SLC38A6: variants seen among roughly 807,000 people sequenced by gnomAD.
The protein encoded by SLC38A6 is solute carrier family 38 member 6.
Under a neutral mutation model 65.0 loss-of-function variants are expected in SLC38A6, and 73 were observed. That is an observed-to-expected ratio of 1.12 (90% CI 0.93 to 1.37). The LOEUF (loss-of-function observed/expected upper bound fraction) is 1.37. Among genes scored for constraint, SLC38A6 ranks in the 40% most tolerant of loss-of-function variants. SLC38A6 has a pLI of 0.00. For synonymous variants in SLC38A6, 183 were observed against 178.8 expected, an observed-to-expected ratio of 1.02 and a Z score of -0.19; for missense variants, 561 against 531.1, an observed-to-expected ratio of 1.06 and a Z score of -0.55.
intron 15 of SLC38A6, among the ~76,000 whole-genome samples, chr14:61,068,172 C>T (rs1034547217): frequency 1.3e-5 from 2 of 152,182 alleles, no homozygotes; most frequent in East Asian, 1.9e-4. Flanking sequence ...TCCACAATCA[C>T]TTCAAACTTA....
chr14:61,070,050 CA>C (rs998801950), intron 15 of SLC38A6, among the ~76,000 whole-genome samples: 1 of 152,120 alleles, frequency 6.6e-6, no homozygotes, highest in South Asian at 2.1e-4. Context: ...TGTGCTAAAA[CA>C]AAAAATAAAC....
At chr14:61,016,275 A>C (rs190587331) in intron 4 of SLC38A6, among the ~76,000 whole-genome samples, 1 of 152,350 alleles carries the variant, frequency 6.6e-6, no homozygotes, top group Admixed American at 6.5e-5. Flanking sequence ...TTATGTACTC[A>C]TATGAGTAAA....
intron 3 of SLC38A6, among the ~76,000 whole-genome samples, chr14:61,000,272 A>G (rs1339624216): frequency 6.6e-6 from 1 of 152,238 alleles, no homozygotes; most frequent in African/African-American, 2.4e-5. Flanking sequence ...TAAAGCTACA[A>G]AGAGAGTACA....
At chr14:60,998,081 T>G (rs1376153947) in intron 3 of SLC38A6, among the ~76,000 whole-genome samples, 1 of 151,098 alleles carries the variant, frequency 6.6e-6, no homozygotes, top group Non-Finnish European at 1.5e-5. Flanking sequence ...TATGATAAAT[T>G]TAACAGTTTA....
chr14:61,003,227 GAA>G (rs1399486920), intron 3 of SLC38A6, among the ~76,000 whole-genome samples: 1 of 151,850 alleles, frequency 6.6e-6, no homozygotes, highest in Non-Finnish European at 1.5e-5. Flanking sequence ...GCCAAAAAAA[GAA>G]AGAAAAAGAA....
chr14:60,987,923 T>C (rs1165185517), intron 3 of SLC38A6, among the ~76,000 whole-genome samples: 2 of 152,196 alleles, frequency 1.3e-5, no homozygotes, highest in Non-Finnish European at 2.9e-5. Context: ...TCTATCTCAA[T>C]TTGTGTTAGT....
At position 61,046,090 on chromosome 14, in the gene SLC38A6, AT is replaced by A; in HGVS notation, c.849del (p.Asn283LysfsTer9). The A allele has an allele frequency of 6.2e-7, 1 of 1,610,038 alleles. No individual in the cohort carries two copies. The highest frequency in any genetic ancestry group is 1.1e-5 in the South Asian group (1 of 90,488). On this transcript the variant is annotated frameshift_variant, in exon 12 of 16. Transcript: ENST00000267488. LOFTEE classifies it high-confidence loss of function. ...LQSPSKKRMQ[N>X]VTNTAIALSF... ...AGTCCTTCAAAGAAAAGAATGCAGA[AT>A]GTTACCAATACAGCAATTGCTTTAA...
At position 61,037,161 on chromosome 14, in the gene SLC38A6, ATTAT is replaced by A. The variant is rs756433420; in HGVS notation, c.565+23_565+26del. The stretch of plus-strand genomic sequence containing the variant: ...AAATAGGTAAGTCTTTATAGAGCAC[ATTAT>A]TTGTTTAGAAAAAGGAAAGAAGGGA... On this transcript the variant is annotated intron_variant, in intron 7 of 15. Transcript: ENST00000267488. The A allele has an allele frequency of 1.3e-6, 2 of 1,520,180 alleles. No homozygotes were observed. Among genetic ancestry groups the A allele is most frequent in the Non-Finnish European group, 1.8e-6 (2 of 1,127,104 alleles). The allele number at this position is 1,520,180 out of a possible 1,614,324, so 94.2% of individuals were successfully genotyped here.
chr14:60,982,569 A>G lies in SLC38A6; in HGVS notation c.167A>G (p.Asn56Ser), dbSNP rs1408671844. Residue 56 changes from asparagine to serine, a missense_variant, in exon 2 of 16, where the codon AAT becomes AGT. By Grantham distance (46) the Asn-to-Ser change is conservative. Transcript: ENST00000267488. ...SFGLSVFNLMNAIMGSGILGL... is the reference protein window; with the variant it reads ...SFGLSVFNLMSAIMGSGILGL... Reference sequence around the variant, plus strand: ...GGTTTATCAGTGTTTAATTTGATGAATGCCATCATGGGAAGTGGCATCCTT... The same window carrying G: ...GGTTTATCAGTGTTTAATTTGATGAGTGCCATCATGGGAAGTGGCATCCTT... 9.9e-6 allele frequency: 16 copies of G among 1,614,060 alleles called. No individual in the cohort carries two copies. The highest frequency in any genetic ancestry group is 1.3e-5 in the Non-Finnish European group (15 of 1,179,994).
At chr14:61,053,307 C>A (rs2042597648), downstream of SLC38A6, among the ~76,000 whole-genome samples, 1 of 151,998 alleles carries the variant, frequency 6.6e-6, no homozygotes, top group African/African-American at 2.4e-5. Context: ...CATGTCTTGG[C>A]TATAGTGAAT....
At chr14:61,050,187 C>T (rs767788447) in intron 12 of SLC38A6, among the ~76,000 whole-genome samples, 9 of 152,112 alleles carry the variant, frequency 5.9e-5, no homozygotes, top group Admixed American at 2.0e-4. Context: ...TTCAACAACA[C>T]GTGTGAAAGC....
At position 60,982,489 on chromosome 14, in the gene SLC38A6, TAAATTTGTGTGCTTACAGGA is replaced by T. The variant is rs1445783254; in HGVS notation, c.106-17_108del. ...TCACCGTCCAAACATTTAACACTAC[TAAATTTGTGTGCTTACAGGA>T]ACTTCACAGACAGCGATCCCCAGGT... On this transcript the variant is annotated splice_acceptor_variant and splice_polypyrimidine_tract_variant and coding_sequence_variant and intron_variant, in exon 2 of 16. Transcript: ENST00000267488. LOFTEE classifies it high-confidence loss of function. The T allele has an allele frequency of 6.2e-7, 1 of 1,600,972 alleles. No homozygotes were observed. The highest frequency in any genetic ancestry group is 8.5e-7 in the Non-Finnish European group (1 of 1,176,322).
chr14:61,062,445 CATCTGTTTATTTTCTTTGGTAAAGT>C (rs1204067917), intron 15 of SLC38A6, among the ~76,000 whole-genome samples: 1 of 150,630 alleles, frequency 6.6e-6, no homozygotes, highest in Non-Finnish European at 1.5e-5. Context: ...GCATATTTGC[CATCTGTTTATTTTCTTTGGTAAAGT>C]ATCTGTTTAG....
Position 61,037,144 on chromosome 14 carries a change from A to T in SLC38A6, c.565+3A>T. The T allele has an allele frequency of 6.3e-7, 1 of 1,587,386 alleles. No homozygotes were observed. On this transcript the variant is annotated splice_donor_region_variant and intron_variant, in intron 7 of 15. Transcript: ENST00000267488. ...TCTTGCACTTCTTCCCAAAATAGGT[A>T]AGTCTTTATAGAGCACATTATTTGT...
At chr14:60,984,581 C>A in intron 2 of SLC38A6, 149 bp from the exon 3 acceptor site, 2 of 505,850 alleles carry the variant, frequency 4.0e-6, no homozygotes, top group Non-Finnish European at 7.3e-6. Flanking sequence ...AGAAAAGTAT[C>A]TTCTTAATTT....
intron 3 of SLC38A6, among the ~76,000 whole-genome samples, chr14:61,012,460 C>A (rs1210906091): frequency 1.3e-5 from 2 of 152,066 alleles, no homozygotes; most frequent in Non-Finnish European, 2.9e-5. Context: ...TTCTCTAGTT[C>A]TTTTATTGTG....
chr14:60,982,374 TA>T, intron 1 of SLC38A6, 133 bp from the exon 2 acceptor site: 4 of 1,120,432 alleles, frequency 3.6e-6, no homozygotes, highest in Non-Finnish European at 5.3e-6. Flanking sequence ...TAGTGTTGGT[TA>T]AGCAACGAGT....
rs138727628 is a variant in SLC38A6 at position 61,008,222 on chromosome 14, G to A, written c.311-7682G>A. Among the ~76,000 whole-genome samples, 356 of 152,184 alleles carry A rather than the reference G, an allele frequency of 2.3e-3. 1 individual carries two copies. Among genetic ancestry groups the A allele is most frequent in the African/African-American group, 5.8e-3 (242 of 41,540 alleles). On this transcript the variant is annotated intron_variant, in intron 3 of 15. Transcript: ENST00000267488. ...TATCATTCATGAAGTTTCCAAATTC[G>A]TTGATCAATTCTGATAATAAAGTTA... is the stretch of plus-strand genomic sequence containing the variant.
At chr14:60,996,144 G>A (rs2038279298) in intron 3 of SLC38A6, among the ~76,000 whole-genome samples, 1 of 152,170 alleles carries the variant, frequency 6.6e-6, no homozygotes, top group African/African-American at 2.4e-5. Context: ...AGGTATATGG[G>A]AACTCTGTAC....
Sources: gnomAD v4.1 joint callset for allele counts (sites outside exome capture counted in the v4.1 genomes callset) on GRCh38, gnomAD v4.1.1 for gene constraint, MANE v1.5 for transcripts, NCBI Gene and HGNC (gene_info 2026-07-23, HGNC 2026-07-21) for gene names.